Variants in DNAAF4 observed in about 807,000 individuals in gnomAD.
DNAAF4 encodes the protein dynein axonemal assembly factor 4.
In DNAAF4, 43 loss-of-function variants were observed where a neutral mutation model predicts 51.8. That is an observed-to-expected ratio of 0.83 (90% confidence interval 0.65 to 1.07). The LOEUF is 1.07. DNAAF4 is among the 50% of genes least tolerant of loss of function. The pLI is 0.00. For synonymous variants in DNAAF4, 194 were observed against 165.6 expected, an observed-to-expected ratio of 1.17 and a Z score of -1.32; for missense variants, 581 against 493.0, an observed-to-expected ratio of 1.18 and a Z score of -1.69.
chr15:55,495,003 C>T (rs1284940510), intron 3 of DNAAF4: 2 of 151,936 alleles, frequency 1.3e-5, no homozygotes, highest in African/African-American at 4.8e-5. Context: ...GTCTAAAATA[C>T]TATCTGGTCC....
In DNAAF4 at chr15:55,498,442, C is replaced by G; in HGVS notation, c.-113G>C. On this transcript the variant is annotated 5_prime_UTR_variant, in exon 2 of 10. Coordinates refer to ENST00000321149, the MANE Select transcript of DNAAF4 (RefSeq NM_130810.4). Reference sequence around the variant, plus strand: ...CCTTCCGGGTCAGGCCGGCCGGGAGCCCGGCGTTCCCAGCGTGCTCCGGCG... The same window carrying G: ...CCTTCCGGGTCAGGCCGGCCGGGAGGCCGGCGTTCCCAGCGTGCTCCGGCG... 6.8e-7 allele frequency: 1 copy of G among 1,461,684 alleles called. No homozygotes were observed. The highest frequency in any genetic ancestry group is 9.0e-7 in the Non-Finnish European group (1 of 1,105,774). The allele number at this position is 1,461,684 out of a possible 1,614,324, so 90.5% of individuals were successfully genotyped here.
At chr15:55,477,697 T>C (rs1428140354) in intron 4 of DNAAF4, among the ~76,000 whole-genome samples, 2 of 151,962 alleles carry the variant, frequency 1.3e-5, no homozygotes, top group African/African-American at 4.8e-5. Context: ...TATATGTGCA[T>C]GTTTTTTATC....
intron 5 of DNAAF4, among the ~76,000 whole-genome samples, chr15:55,457,306 C>T (rs1353074559): frequency 1.3e-5 from 2 of 152,082 alleles, no homozygotes; most frequent in Admixed American, 1.3e-4. Context: ...CCCTGGTGAC[C>T]TGTATAGCAC....
intron 6 of DNAAF4, among the ~76,000 whole-genome samples, chr15:55,440,646 G>A (rs932537560): frequency 2.6e-4 from 37 of 142,764 alleles, no homozygotes; most frequent in African/African-American, 9.1e-4. Context: ...GATTACAGGC[G>A]TTGGGCCACT....
intron 4 of DNAAF4, among the ~76,000 whole-genome samples, chr15:55,486,446 G>T (rs779681649): frequency 3.3e-5 from 5 of 151,832 alleles, no homozygotes; most frequent in Non-Finnish European, 7.4e-5. Context: ...CACCTGCCTC[G>T]GCCTTCCAAA....
intron 7 of DNAAF4, among the ~76,000 whole-genome samples, chr15:55,422,199 G>A (rs2057394514): frequency 6.6e-6 from 1 of 152,020 alleles, no homozygotes; most frequent in South Asian, 2.1e-4. Flanking sequence ...AATAGAGTTA[G>A]GAGGAAAGTG....
downstream of DNAAF4, among the ~76,000 whole-genome samples, chr15:55,428,501 T>C (rs1370943588): frequency 2.9e-5 from 4 of 137,484 alleles, no homozygotes. Context: ...TTTTTTTTTT[T>C]TTTTTTTTTT....
chr15:55,459,509 G>A (rs2058064308), intron 5 of DNAAF4, among the ~76,000 whole-genome samples: 1 of 152,022 alleles, frequency 6.6e-6, no homozygotes, highest in Admixed American at 6.6e-5. Flanking sequence ...TCTCAATACT[G>A]ATATTGAATG....
intron 3 of DNAAF4, among the ~76,000 whole-genome samples, chr15:55,492,300 G>A (rs1361162841): frequency 2.0e-5 from 3 of 151,622 alleles, no homozygotes; most frequent in Non-Finnish European, 4.4e-5. Context: ...AACAGAAGGG[G>A]AGAGGAGAAA....
chr15:55,473,388 A>C (rs1812950684), intron 4 of DNAAF4, among the ~76,000 whole-genome samples: 1 of 137,964 alleles, frequency 7.2e-6, no homozygotes. Flanking sequence ...TATATATGCA[A>C]ACTTAACCTA....
intron 5 of DNAAF4, among the ~76,000 whole-genome samples, chr15:55,453,616 T>C (rs2141469908): frequency 6.8e-6 from 1 of 147,992 alleles, no homozygotes; most frequent in East Asian, 2.0e-4. Context: ...AGTGGCGCGA[T>C]CTCGGCTCAC....
At chr15:55,433,395 G>A (rs1027252564) in intron 8 of DNAAF4, among the ~76,000 whole-genome samples, 1 of 152,094 alleles carries the variant, frequency 6.6e-6, no homozygotes, top group Non-Finnish European at 1.5e-5. Flanking sequence ...CGGAGGCCCA[G>A]GCGGGCGGAT....
At chr15:55,470,040 G>A (rs1413035963) in intron 4 of DNAAF4, among the ~76,000 whole-genome samples, 1 of 149,926 alleles carries the variant, frequency 6.7e-6, no homozygotes, top group Non-Finnish European at 1.5e-5. Flanking sequence ...TAAATACCTC[G>A]CTTATATTTA....
At chr15:55,480,732 G>T (rs890152159) in intron 4 of DNAAF4, among the ~76,000 whole-genome samples, 1 of 152,144 alleles carries the variant, frequency 6.6e-6, no homozygotes, top group Non-Finnish European at 1.5e-5. Context: ...TATTACCAAC[G>T]CTTGTCCAAG....
chr15:55,424,625 C>A (rs913430091), intron 7 of DNAAF4, among the ~76,000 whole-genome samples: 10 of 152,210 alleles, frequency 6.6e-5, no homozygotes, highest in African/African-American at 2.4e-4. Flanking sequence ...TGCAGTGGCA[C>A]GATCTCAGCT....
At position 55,438,618 on chromosome 15, in the gene DNAAF4, C is replaced by A. The variant is rs1466352419; in HGVS notation, c.893+854G>T. 3.3e-5 allele frequency among the ~76,000 whole-genome samples: 5 copies of A among 151,788 alleles called. No individual in the cohort carries two copies. The East Asian group carries it at 9.7e-4, about 30-fold the overall frequency. ...CCAACATGGTGAAACCCCGTCTCTA[C>A]TAAAAATACAAAAAAAATTCGCCAG... On this transcript the variant is annotated intron_variant, in intron 7 of 9. Coordinates refer to ENST00000321149, the MANE Select transcript of DNAAF4 (RefSeq NM_130810.4).
chr15:55,444,946 G>A (rs2057773019), intron 6 of DNAAF4, among the ~76,000 whole-genome samples: 1 of 151,808 alleles, frequency 6.6e-6, no homozygotes, highest in Non-Finnish European at 1.5e-5. Flanking sequence ...GAGATTTTGG[G>A]CTGAGACGAT....
At chr15:55,485,079 GC>G (rs2058468506) in intron 4 of DNAAF4, among the ~76,000 whole-genome samples, 1 of 152,178 alleles carries the variant, frequency 6.6e-6, no homozygotes, top group Non-Finnish European at 1.5e-5. Context: ...ATTCACACTA[GC>G]CAAAGGGTGG....
chr15:55,446,183 G>GAT (rs2057805102), intron 6 of DNAAF4, among the ~76,000 whole-genome samples: 1 of 145,768 alleles, frequency 6.9e-6, no homozygotes, highest in Admixed American at 6.8e-5. Flanking sequence ...CCTCCCAGAC[G>GAT]GGGTGGCCGG....
Sources: gnomAD v4.1 joint callset for allele counts (sites outside exome capture counted in the v4.1 genomes callset) on GRCh38, gnomAD v4.1.1 for gene constraint, MANE v1.5 for transcripts, NCBI Gene and HGNC (gene_info 2026-07-23, HGNC 2026-07-21) for gene names.